Variants in ZFAT observed in about 807,000 individuals in gnomAD.
The protein encoded by ZFAT is zinc finger and AT-hook domain containing, also known as zinc finger protein ZFAT.
A neutral mutation model predicts 117.7 loss-of-function variants in ZFAT; 64 were observed. That is an observed-to-expected ratio of 0.54 (90% CI 0.44 to 0.67). ZFAT has a LOEUF of 0.67. Among genes scored for constraint, ZFAT ranks in the 30% least tolerant of loss-of-function variants. The pLI is 0.00. For synonymous variants in ZFAT, 679 were observed against 615.0 expected (o/e 1.10, Z -1.54); for missense variants, 1,433 against 1,584.5 (o/e 0.90, Z 1.62).
At position 134,539,083 on chromosome 8, in the gene ZFAT, A is replaced by C. The variant is rs1404556522; in HGVS notation, c.2977-6111T>G. ...GAAAGAGAGTAGAAGAGGACAGGGA[A>C]TATATCTCACCCGTGAAACTGGGTT... On this transcript the variant is annotated intron_variant, in intron 11 of 15. Coordinates refer to ENST00000377838, the MANE Select transcript of ZFAT (RefSeq NM_020863.4). Among the ~76,000 whole-genome samples the C allele has an allele frequency of 2.6e-5, 4 of 152,226 alleles. No individual in the cohort carries two copies. The East Asian group carries it at 7.7e-4, about 29-fold the overall frequency.
At chr8:134,773,938 A>G in the ZFAT span, among the ~76,000 whole-genome samples, 61 of 149,884 alleles carry the variant, frequency 4.1e-4, no homozygotes, top group Non-Finnish European at 7.1e-4. Context: ...GATTTATAAT[A>G]TTACATCAAC....
chr8:134,690,005 C>T (rs1036312676), intron 1 of ZFAT, among the ~76,000 whole-genome samples: 2 of 152,204 alleles, frequency 1.3e-5, no homozygotes, highest in African/African-American at 4.8e-5. Flanking sequence ...AATCATTTCA[C>T]TTACAATCTA....
chr8:134,621,897 A>T (rs1829141144), intron 3 of ZFAT, among the ~76,000 whole-genome samples: 1 of 152,224 alleles, frequency 6.6e-6, no homozygotes, highest in Non-Finnish European at 1.5e-5. Context: ...CATGATGAAA[A>T]ACACAAGATT....
chr8:134,548,442 G>A (rs1428612735), intron 11 of ZFAT, among the ~76,000 whole-genome samples: 1 of 152,184 alleles, frequency 6.6e-6, no homozygotes, highest in Non-Finnish European at 1.5e-5. Context: ...GAGGGTGGAG[G>A]GTGAGGCGGC....
intron 1 of ZFAT, among the ~76,000 whole-genome samples, chr8:134,702,683 T>A (rs893951966): frequency 3.3e-5 from 5 of 151,904 alleles, no homozygotes; most frequent in Non-Finnish European, 5.9e-5. Context: ...TTTTTTCTTT[T>A]TTTTTTGAGA....
chr8:134,751,403 G>A, the ZFAT span, among the ~76,000 whole-genome samples: 1 of 152,106 alleles, frequency 6.6e-6, no homozygotes, highest in Admixed American at 6.6e-5. Context: ...GACACCAGTC[G>A]GGATACGTGG....
chr8:134,718,740 G>A, the ZFAT span, among the ~76,000 whole-genome samples: 1 of 152,124 alleles, frequency 6.6e-6, no homozygotes, highest in Non-Finnish European at 1.5e-5. Context: ...TGCAGTAAGG[G>A]ATTGAGGAAA....
At chr8:134,544,261 G>A (rs560919395) in intron 11 of ZFAT, among the ~76,000 whole-genome samples, 27 of 152,230 alleles carry the variant, frequency 1.8e-4, no homozygotes, top group Admixed American at 7.2e-4. Flanking sequence ...ATCAGAACCC[G>A]CTCACCTATG....
rs556009777 is a variant in ZFAT at position 134,619,781 on chromosome 8, T to C, written c.449-9126A>G. 3.9e-5 allele frequency among the ~76,000 whole-genome samples: 6 copies of C among 152,300 alleles called. No individual in the cohort carries two copies. In the South Asian group the frequency reaches 1.2e-3, roughly 32 times the overall value. The stretch of plus-strand genomic sequence containing the variant: ...CGGTCTCCCTCAGTCTCCACCATCC[T>C]GGTGAGGCAGGACTGCTCCCAAGCC... On this transcript the variant is annotated intron_variant, in intron 3 of 15. Coordinates refer to ENST00000377838, the MANE Select transcript of ZFAT (RefSeq NM_020863.4).
chr8:134,627,234 G>A (rs1183151262), intron 3 of ZFAT, among the ~76,000 whole-genome samples: 4 of 152,164 alleles, frequency 2.6e-5, no homozygotes, highest in African/African-American at 4.8e-5. Context: ...GAAGGAGAGC[G>A]GCCAGTCTGA....
At chr8:134,637,032 T>C (rs190093780) in intron 3 of ZFAT, among the ~76,000 whole-genome samples, 23 of 152,332 alleles carry the variant, frequency 1.5e-4, no homozygotes, top group Non-Finnish European at 4.4e-5. Context: ...CACTAAGACG[T>C]CCTTCCTTCA....
At chr8:134,637,979 G>A (rs954856122) in intron 2 of ZFAT, among the ~76,000 whole-genome samples, 2 of 152,134 alleles carry the variant, frequency 1.3e-5, no homozygotes, top group African/African-American at 4.8e-5. Context: ...CTCCAGCAAT[G>A]CTGACAGGAT....
At chr8:134,540,151 A>C (rs1160712064) in intron 11 of ZFAT, among the ~76,000 whole-genome samples, 1 of 152,196 alleles carries the variant, frequency 6.6e-6, no homozygotes, top group African/African-American at 2.4e-5. Flanking sequence ...GAGAGTGTAT[A>C]AAGTGAAAAG....
At chr8:134,780,749 C>T in the ZFAT span, among the ~76,000 whole-genome samples, 1 of 152,140 alleles carries the variant, frequency 6.6e-6, no homozygotes. Context: ...AGTAGATGCT[C>T]AATAAATGCT....
the ZFAT span, among the ~76,000 whole-genome samples, chr8:134,782,447 C>G: frequency 1.1e-3 from 170 of 152,236 alleles, no homozygotes; most frequent in Non-Finnish European, 2.0e-3. Flanking sequence ...ATTTACCTAC[C>G]AAGGCCTGTT....
the ZFAT span, among the ~76,000 whole-genome samples, chr8:134,828,037 G>A: frequency 2.0e-5 from 3 of 152,012 alleles, no homozygotes; most frequent in Non-Finnish European, 4.4e-5. Flanking sequence ...TTTTTTACAT[G>A]TATTTTTTAA....
chr8:134,507,464 G>A (rs2130339692), intron 15 of ZFAT, among the ~76,000 whole-genome samples: 1 of 152,204 alleles, frequency 6.6e-6, no homozygotes, highest in South Asian at 2.1e-4. Flanking sequence ...CACCTTCTTG[G>A]GGAACATTTC....
At chr8:134,565,285 A>G (rs760007568) in intron 11 of ZFAT, 48 bp downstream of exon 11, 30 of 1,610,014 alleles carry the variant, frequency 1.9e-5, no homozygotes, top group Non-Finnish European at 2.5e-5. Flanking sequence ...TTGAAAAGCA[A>G]CGCCTTTTTT....
chr8:134,506,595 C>A (rs75713572), intron 15 of ZFAT, among the ~76,000 whole-genome samples: 12 of 152,186 alleles, frequency 7.9e-5, no homozygotes, highest in African/African-American at 2.9e-4. Context: ...TTACTTTCAT[C>A]CCAGAAGCTG....
Sources: allele counts gnomAD v4.1 joint callset (sites outside exome capture counted in the v4.1 genomes callset), GRCh38; gene constraint gnomAD v4.1.1; transcripts MANE v1.5; gene names NCBI Gene and HGNC (gene_info 2026-07-23, HGNC 2026-07-21).